Variants in TIA1 observed in about 807,000 individuals in gnomAD.
TIA1 encodes TIA1 cytotoxic granule associated RNA binding protein.
TIA1 carries 23 observed loss-of-function variants against 65.9 expected under a neutral mutation model. The observed-to-expected ratio is 0.35, with a 90% CI of 0.25 to 0.49. The LOEUF (loss-of-function observed/expected upper bound fraction) is 0.49. TIA1 is among the 20% of genes least tolerant of loss of function. The pLI is 0.98. For synonymous variants in TIA1, 147 were observed against 149.4 expected (o/e 0.98, Z 0.12); for missense variants, 371 against 477.9 (o/e 0.78, Z 2.09).
intron 12 of TIA1, 35 bp from the exon 13 acceptor site, chr2:70,212,880 G>C: frequency 7.3e-7 from 1 of 1,375,728 alleles, no homozygotes; most frequent in Non-Finnish European, 1.0e-6. Flanking sequence ...GAGGGGAGAG[G>C]AAATCCACTG....
chr2:70,244,895 T>C (rs1167021509), intron 1 of TIA1, among the ~76,000 whole-genome samples: 4 of 148,014 alleles, frequency 2.7e-5, no homozygotes, highest in Non-Finnish European at 6.0e-5. Context: ...TTTTATTTCA[T>C]ACAAATTACA....
In TIA1 at chr2:70,248,460, G is replaced by C. The variant is rs771881925; in HGVS notation, c.-30C>G. 5.6e-6 allele frequency: 9 copies of C among 1,600,682 alleles called. No individual in the cohort carries two copies. In the Admixed American group the frequency reaches 1.5e-4, roughly 27 times the overall value. On this transcript the variant is annotated 5_prime_UTR_variant, in exon 1 of 13. Coordinates refer to ENST00000433529, the MANE Select transcript of TIA1 (RefSeq NM_022173.4). ...GCTGCTGTCGCGGCGGCGCCTCCAG[G>C]TCCAGCTCCCTGCCCTTCACTACCT...
At chr2:70,215,338 A>C (rs1678117788) in intron 11 of TIA1, 33 bp downstream of exon 11, 1 of 1,611,354 alleles carries the variant, frequency 6.2e-7, no homozygotes, top group Non-Finnish European at 8.5e-7. Context: ...TATTAGCCCA[A>C]CAATTACTTC....
chr2:70,229,476 T>C (rs751444634), intron 3 of TIA1, among the ~76,000 whole-genome samples, 158 bp from the exon 4 acceptor site: 20 of 152,180 alleles, frequency 1.3e-4, no homozygotes, highest in Non-Finnish European at 2.6e-4. Flanking sequence ...TGACCTACAT[T>C]TAGGCAAATA....
chr2:70,240,310 G>C (rs1345264838), intron 1 of TIA1, among the ~76,000 whole-genome samples: 3 of 152,166 alleles, frequency 2.0e-5, no homozygotes, highest in African/African-American at 7.2e-5. Flanking sequence ...CTGAAAATTA[G>C]ATTTAAGTTT....
intron 7 of TIA1, among the ~76,000 whole-genome samples, chr2:70,220,471 G>A (rs1402238094): frequency 6.6e-6 from 1 of 152,022 alleles, no homozygotes; most frequent in Non-Finnish European, 1.5e-5. Flanking sequence ...TGAAGATGAA[G>A]GCAGAGATTG....
In TIA1 at chr2:70,224,395, T is replaced by A. The variant is rs961057250; in HGVS notation, c.474+159A>T. The A allele has an allele frequency of 1.1e-4, 111 of 1,032,326 alleles. No individual in the cohort carries two copies. In the African/African-American group the frequency reaches 1.7e-3, roughly 16 times the overall value. 63.9% of individuals were successfully genotyped at this position (1,032,326 alleles called of 1,614,324 possible). ...GTACTCTGCATGCCTCAGGTGCCAA[T>A]AAATGTTAAACAGACAAAACAGAAG... On this transcript the variant is annotated intron_variant, in intron 7 of 12. Transcript: ENST00000433529.
chr2:70,225,865 A>G (rs1683549323), intron 6 of TIA1, among the ~76,000 whole-genome samples: 1 of 152,136 alleles, frequency 6.6e-6, no homozygotes, highest in Non-Finnish European at 1.5e-5. Flanking sequence ...GCTGTATATA[A>G]GGGAAAATAC....
intron 3 of TIA1, 31 bp downstream of exon 3, chr2:70,230,725 C>A (rs1476150371): frequency 2.7e-6 from 4 of 1,497,262 alleles, no homozygotes; most frequent in African/African-American, 2.8e-5. Flanking sequence ...TTTTTCAGTG[C>A]AAGTCACCTT....
intron 3 of TIA1, 26 bp downstream of exon 3, chr2:70,230,730 C>A: frequency 6.6e-7 from 1 of 1,522,770 alleles, no homozygotes; most frequent in Non-Finnish European, 8.9e-7. Flanking sequence ...CAGTGCAAGT[C>A]ACCTTCTTTA....
At chr2:70,237,717 A>G (rs1383186065) in intron 1 of TIA1, among the ~76,000 whole-genome samples, 1 of 151,972 alleles carries the variant, frequency 6.6e-6, no homozygotes, top group Non-Finnish European at 1.5e-5. Flanking sequence ...CACAAAAATT[A>G]GCCGGGCGTG....
At chr2:70,225,498 G>T in intron 6 of TIA1, 1 of 1,172,226 alleles carries the variant, frequency 8.5e-7, no homozygotes. Context: ...TGCTTCACAG[G>T]CAATCTGCTT....
chr2:70,213,599 T>G (rs1677249610), intron 12 of TIA1, among the ~76,000 whole-genome samples: 1 of 152,134 alleles, frequency 6.6e-6, no homozygotes, highest in East Asian at 1.9e-4. Context: ...TCCGCCTGCC[T>G]TGGCCTTCCA....
intron 7 of TIA1, chr2:70,217,207 T>C (rs1350967047): frequency 8.9e-6 from 3 of 335,994 alleles, no homozygotes; most frequent in African/African-American, 6.4e-5. Flanking sequence ...AGTCTCGCTC[T>C]GTCACCCAGG....
intron 7 of TIA1, among the ~76,000 whole-genome samples, chr2:70,219,713 G>A (rs935142520): frequency 2.7e-5 from 4 of 150,402 alleles, no homozygotes; most frequent in East Asian, 1.9e-4. Context: ...GGAGGGATTC[G>A]GGGTCCACAG....
intron 5 of TIA1, chr2:70,228,609 TTGGACCAACACTTTAAAA>T: frequency 9.0e-7 from 1 of 1,117,184 alleles, no homozygotes; most frequent in Non-Finnish European, 1.1e-6. Context: ...TGCAAAATTG[TTGGACCAACACTTTAAAA>T]TGGACACATA....
chr2:70,225,198 C>T (rs556336137), intron 6 of TIA1: 1 of 1,062,572 alleles, frequency 9.4e-7, no homozygotes, highest in Admixed American at 5.3e-5. Flanking sequence ...ACTAGACACA[C>T]ACAAGTTTTA....
In TIA1 at chr2:70,229,320, TAAAA is replaced by T. The variant is rs750862626; in HGVS notation, c.223-6_223-3del. ...TGTTGCCCAATTCACTTTGACTTCCTAAAAAAAAAAAATTTCTACATTTATACTT... is the reference window on the plus strand; with the variant it reads ...TGTTGCCCAATTCACTTTGACTTCCTAAAAAAAATTTCTACATTTATACTT... On this transcript the variant is annotated splice_polypyrimidine_tract_variant and splice_region_variant and intron_variant, in intron 3 of 12. Coordinates refer to ENST00000433529, the MANE Select transcript of TIA1 (RefSeq NM_022173.4). 8 of 1,225,862 alleles carry T rather than the reference TAAAA, an allele frequency of 6.5e-6. No individual in the cohort carries two copies. The highest frequency in any genetic ancestry group is 9.0e-6 in the Non-Finnish European group (8 of 893,200). 75.9% of individuals were successfully genotyped at this position (1,225,862 alleles called of 1,614,324 possible).
At position 70,209,888 on chromosome 2, in the gene TIA1, T is replaced by C. The variant is rs1252399865; in HGVS notation, c.*2831A>G. ...GCAATCTAGTTCTTACCAACTGCCT[T>C]CTCAAATGGAATAGAACTATAACAC... On this transcript the variant is annotated 3_prime_UTR_variant, in exon 13 of 13. Coordinates refer to ENST00000433529, the MANE Select transcript of TIA1 (RefSeq NM_022173.4). 1 of 395,538 alleles carries C rather than the reference T, an allele frequency of 2.5e-6. No individual in the cohort carries two copies. Among genetic ancestry groups the C allele is most frequent in the Non-Finnish European group, 4.5e-6 (1 of 224,714 alleles). 24.5% of individuals were successfully genotyped at this position (395,538 alleles called of 1,614,324 possible). A position where few individuals can be genotyped will look rare whatever the true frequency, so the allele number is the denominator to read the frequency against.
Sources: allele counts gnomAD v4.1 joint callset (sites outside exome capture counted in the v4.1 genomes callset), GRCh38; gene constraint gnomAD v4.1.1; transcripts MANE v1.5; gene names NCBI Gene and HGNC (gene_info 2026-07-23, HGNC 2026-07-21).